LARS2: variants seen among roughly 807,000 people sequenced by gnomAD.
LARS2 encodes the protein leucine--tRNA ligase, mitochondrial.
A neutral mutation model predicts 116.6 loss-of-function variants in LARS2; 81 were observed. The observed-to-expected ratio is 0.69, with a 90% CI of 0.58 to 0.84. The LOEUF (loss-of-function observed/expected upper bound fraction) is 0.84. LARS2 is among the 40% of genes least tolerant of loss of function. The probability of loss-of-function intolerance (pLI) is 0.00; values close to 1 mark genes in which losing one functional copy is unlikely to be tolerated. For synonymous variants in LARS2, 396 were observed against 407.2 expected (o/e 0.97, Z 0.33); for missense variants, 968 against 1,114.5 (o/e 0.87, Z 1.87).
chr3:45,397,278 A>G (rs79452574), intron 3 of LARS2, among the ~76,000 whole-genome samples: 5,121 of 152,302 alleles, frequency 0.034, 260 homozygotes, highest in African/African-American at 0.12. Context: ...CCCAGATGAT[A>G]GAACTCATTT....
At chr3:45,485,642 G>A (rs1699792778) in intron 10 of LARS2, 50 bp from the exon 11 acceptor site, 1 of 996,390 alleles carries the variant, frequency 1.0e-6, no homozygotes, top group Non-Finnish European at 1.5e-6. Flanking sequence ...TTCAGATGGT[G>A]TTGGTGTCTC....
rs775126186 is a variant in LARS2 at position 45,496,395 on chromosome 3, C to A, written c.1622+22C>A. 3.2e-6 allele frequency: 5 copies of A among 1,555,118 alleles called. No homozygotes were observed. The East Asian group carries it at 6.7e-5, about 21-fold the overall frequency. Reference sequence around the variant, plus strand: ...ACAGGTAAAACGTCCCTGCTGATGTCTTTGAGCATTTGTCAGTGTGGCTCC... The same window carrying A: ...ACAGGTAAAACGTCCCTGCTGATGTATTTGAGCATTTGTCAGTGTGGCTCC... On this transcript the variant is annotated intron_variant, in intron 14 of 21. Coordinates refer to ENST00000645846, the MANE Select transcript of LARS2 (RefSeq NM_015340.4).
intron 6 of LARS2, among the ~76,000 whole-genome samples, chr3:45,442,471 T>C (rs1489136680): frequency 6.6e-6 from 1 of 152,220 alleles, no homozygotes; most frequent in Non-Finnish European, 1.5e-5. Context: ...ACAAATTTAT[T>C]ATGTAGATTT....
At chr3:45,451,459 T>G (rs1699126989) in intron 7 of LARS2, among the ~76,000 whole-genome samples, 1 of 152,136 alleles carries the variant, frequency 6.6e-6, no homozygotes, top group Non-Finnish European at 1.5e-5. Context: ...TTAAAGAGAC[T>G]GTCTTTTCCC....
chr3:45,437,116 A>G (rs1316724091), intron 6 of LARS2, among the ~76,000 whole-genome samples: 1 of 152,212 alleles, frequency 6.6e-6, no homozygotes, highest in Non-Finnish European at 1.5e-5. Flanking sequence ...TGCCATCAAT[A>G]CTCACTCTCT....
intron 8 of LARS2, among the ~76,000 whole-genome samples, chr3:45,473,873 T>C (rs1699569090): frequency 6.6e-6 from 1 of 152,218 alleles, no homozygotes. Flanking sequence ...CATGAATGAC[T>C]TAGGGTTTCA....
intron 6 of LARS2, among the ~76,000 whole-genome samples, chr3:45,424,850 T>G (rs967515017): frequency 6.6e-6 from 1 of 152,216 alleles, no homozygotes; most frequent in Non-Finnish European, 1.5e-5. Context: ...GTCCGTATAC[T>G]CATTTCATTG....
intron 15 of LARS2, among the ~76,000 whole-genome samples, chr3:45,506,009 G>T (rs1272349220): frequency 6.6e-6 from 1 of 152,084 alleles, no homozygotes; most frequent in Non-Finnish European, 1.5e-5. Flanking sequence ...CCAATTTGCA[G>T]ATCCTCCAGG....
rs565545756 is a variant in LARS2 at position 45,492,229 on chromosome 3, A to C, written c.1523+429A>C. On this transcript the variant is annotated intron_variant, in intron 13 of 21. Transcript: ENST00000645846. ...TAACAACAGTGGAGATTTTATCATGAGTAGCAGAGTAGTTGCTAAGAGAGC... is the reference window on the plus strand; with the variant it reads ...TAACAACAGTGGAGATTTTATCATGCGTAGCAGAGTAGTTGCTAAGAGAGC... Among the ~76,000 whole-genome samples the C allele has an allele frequency of 1.2e-4, 19 of 152,360 alleles. No homozygotes were observed. In the South Asian group the frequency reaches 3.9e-3, roughly 32 times the overall value.
At chr3:45,517,652 G>A (rs999376300) in intron 17 of LARS2, among the ~76,000 whole-genome samples, 3 of 152,174 alleles carry the variant, frequency 2.0e-5, no homozygotes, top group Admixed American at 1.3e-4. Context: ...CCGTTGGTGG[G>A]TGGCACTTTG....
At chr3:45,528,313 G>C (rs1268201219) in intron 20 of LARS2, among the ~76,000 whole-genome samples, 1 of 152,154 alleles carries the variant, frequency 6.6e-6, no homozygotes, top group Non-Finnish European at 1.5e-5. Flanking sequence ...CTCCAGCCTG[G>C]CTGACAGAGC....
intron 8 of LARS2, among the ~76,000 whole-genome samples, chr3:45,459,351 A>G (rs544856734): frequency 6.6e-6 from 1 of 152,216 alleles, no homozygotes; most frequent in Non-Finnish European, 1.5e-5. Flanking sequence ...TCTAGACTTC[A>G]CATGCTTAAA....
chr3:45,426,007 G>A (rs1559464866), intron 6 of LARS2, among the ~76,000 whole-genome samples: 1 of 150,882 alleles, frequency 6.6e-6, no homozygotes, highest in African/African-American at 2.4e-5. Context: ...AGTAGTTTAG[G>A]AGCAGTGCTC....
intron 3 of LARS2, among the ~76,000 whole-genome samples, chr3:45,395,242 G>C (rs1196000407): frequency 2.6e-5 from 4 of 152,166 alleles, no homozygotes; most frequent in Non-Finnish European, 5.9e-5. Context: ...TCATGGTTTG[G>C]GGCACACCAG....
At chr3:45,444,313 C>A (rs1559471293) in intron 6 of LARS2, among the ~76,000 whole-genome samples, 3 of 148,734 alleles carry the variant, frequency 2.0e-5, no homozygotes, top group Non-Finnish European at 4.5e-5. Flanking sequence ...GCGCCCAGCC[C>A]TTTTTTCACT....
intron 4 of LARS2, among the ~76,000 whole-genome samples, chr3:45,416,401 G>T (rs1016459580): frequency 2.0e-5 from 3 of 152,212 alleles, no homozygotes; most frequent in African/African-American, 7.2e-5. Flanking sequence ...GGAGCAGGGT[G>T]CTGAATGATG....
intron 8 of LARS2, among the ~76,000 whole-genome samples, chr3:45,466,411 C>A (rs1165930253): frequency 6.6e-6 from 1 of 152,184 alleles, no homozygotes; most frequent in East Asian, 1.9e-4. Context: ...CTGCCCTGAT[C>A]TGAAAAACAT....
chr3:45,426,936 A>G (rs1011885668), intron 6 of LARS2, among the ~76,000 whole-genome samples: 2 of 152,198 alleles, frequency 1.3e-5, no homozygotes, highest in Non-Finnish European at 2.9e-5. Flanking sequence ...GAGTGCTTTC[A>G]GGAGACAGGA....
At chr3:45,427,912 C>G (rs1267274316) in intron 6 of LARS2, among the ~76,000 whole-genome samples, 1 of 151,366 alleles carries the variant, frequency 6.6e-6, no homozygotes, top group Admixed American at 6.6e-5. Context: ...ACCTCTGCCT[C>G]CCTCATTGAA....
Sources: allele counts gnomAD v4.1 joint callset (sites outside exome capture counted in the v4.1 genomes callset), GRCh38; gene constraint gnomAD v4.1.1; transcripts MANE v1.5; gene names NCBI Gene and HGNC (gene_info 2026-07-23, HGNC 2026-07-21).